Variants in ARHGAP4 observed in about 807,000 individuals in gnomAD.
ARHGAP4 encodes Rho GTPase activating protein 4, also known as rho GTPase-activating protein 4.
ARHGAP4 carries 25 observed loss-of-function variants against 67.6 expected under a neutral mutation model. The ratio of observed to expected loss-of-function variants is 0.37; its 90% confidence interval spans 0.27 to 0.52. ARHGAP4 has a LOEUF of 0.52. Among genes scored for constraint, ARHGAP4 ranks in the 20% least tolerant of loss-of-function variants. The pLI is 0.92. For missense variants in ARHGAP4, 804 were observed against 854.6 expected (o/e 0.94, Z 0.74); for synonymous variants, 448 against 373.7 (o/e 1.20, Z -2.29).
At position 153,913,848 on chromosome X, in the gene ARHGAP4, C is replaced by T. The variant is rs2065037969; in HGVS notation, c.1064G>A (p.Arg355Gln). ...CTGGGCTCTGGGCAGAATCTCGTCC[C>T]GCAGCTCCATTTCAACGCAGATCTC... is the stretch of plus-strand genomic sequence containing the variant. The part of the protein sequence containing the change: ...VAEICVEMEL[R>Q]DEILPRAQNI... Residue 355 changes from arginine (R) to glutamine (Q), a missense_variant, in exon 8 of 22, where the codon CGG (arginine) becomes CAG (glutamine). Physicochemically the swap from Arg to Gln is conservative, Grantham distance 43. Coordinates refer to ENST00000350060, the MANE Select transcript of ARHGAP4 (RefSeq NM_001666.5). The T allele has an allele frequency of 9.1e-6, 11 of 1,212,114 alleles. No individual in the cohort carries two copies. The highest frequency in any genetic ancestry group is 3.5e-5 in the South Asian group (2 of 56,992).
At position 153,909,474 on chromosome X, in the gene ARHGAP4, C is replaced by T. The variant is rs2064999465; in HGVS notation, c.2476G>A (p.Glu826Lys). ...QTAGESGSSPEGLLASELVHR... is the reference protein window; with the variant it reads ...QTAGESGSSPKGLLASELVHR... ...ACCAGCTCCGATGCCAGGAGGCCCT[C>T]GGGACTGCTCCCAGACTCCCCTGCA... The change falls in exon 20 of 22, where the codon GAG becomes AAG. Residue 826 changes from glutamate (E) to lysine (K), a missense_variant. This residue lies in a region of ARHGAP4 where 400 missense variants were observed against 348.7 expected (regional missense o/e 1.15). Coordinates refer to ENST00000350060, the MANE Select transcript of ARHGAP4 (RefSeq NM_001666.5). 14 of 1,208,464 alleles carry T rather than the reference C, an allele frequency of 1.2e-5. No individual in the cohort carries two copies. Among genetic ancestry groups the T allele is most frequent in the East Asian group, 3.0e-5 (1 of 33,800 alleles).
rs200936669 is a variant in ARHGAP4 at position 153,910,547 on chromosome X, C to T, written c.1881G>A (p.Pro627=). The T allele has an allele frequency of 2.4e-3, 2,947 of 1,203,617 alleles. 52 individuals are homozygous for T. In the African/African-American group the frequency reaches 0.044, roughly 18 times the overall value. ...VSRLLWRLPA[P]VLVVLRYLFT... The stretch of plus-strand genomic sequence containing the variant: ...AGAGGTAGCGCAGAACCACCAGCAC[C>T]GGCGCGGGCAGCCGCCACAGCAGGC... Residue 627 remains proline, a synonymous_variant, in exon 16 of 22, where the codon CCG becomes CCA. Transcript: ENST00000350060.
intron 21 of ARHGAP4, among the ~76,000 whole-genome samples, chrX:153,908,543 A>G (rs1024592418): frequency 1.8e-5 from 2 of 111,854 alleles, no homozygotes; most frequent in Non-Finnish European, 3.8e-5. Flanking sequence ...TGCGCTTGCC[A>G]GGGCCACATC....
chrX:153,918,530 C>T (rs1417385400), intron 7 of ARHGAP4, among the ~76,000 whole-genome samples: 3 of 113,051 alleles, frequency 2.7e-5, no homozygotes, highest in African/African-American at 9.6e-5. Flanking sequence ...TTCCATCTTA[C>T]TGCCAAGTTT....
rs782632379 is a variant in ARHGAP4, at chrX:153,912,549, T to C, written c.1542+151A>G. 825 of 491,442 alleles carry C rather than the reference T, an allele frequency of 1.7e-3. 2 individuals carry two copies. The highest frequency in any genetic ancestry group is 2.3e-3 in the Non-Finnish European group (661 of 287,305). The allele number at this position is 491,442 out of a possible 1,213,427, so 40.5% of individuals were successfully genotyped here. A position where few individuals can be genotyped will look rare whatever the true frequency, so the allele number is the denominator to read the frequency against. ...GCTATAGGGGAGCCCAACAGTGGCC[T>C]GGAAGAGGCCCACCCAGAAAAGGAC... On this transcript the variant is annotated intron_variant, in intron 12 of 21. Coordinates refer to ENST00000350060, the MANE Select transcript of ARHGAP4 (RefSeq NM_001666.5).
intron 12 of ARHGAP4, 63 bp from the exon 13 acceptor site, chrX:153,911,252 C>CTTTTTTTTTTTTTTT (rs10710691): frequency 3.8e-6 from 1 of 263,717 alleles, no homozygotes; most frequent in Non-Finnish European, 5.5e-6. Flanking sequence ...CATTCAATTG[C>CTTTTTTTTTTTTTTT]TTTTTTTTTT....
At chrX:153,923,841 G>A (rs1363876579) in intron 1 of ARHGAP4, among the ~76,000 whole-genome samples, 1 of 111,996 alleles carries the variant, frequency 8.9e-6, no homozygotes, top group Non-Finnish European at 1.9e-5. Context: ...ACAGTGGTGC[G>A]ATCTCGGCTC....
chrX:153,918,987 G>A lies in ARHGAP4; in HGVS notation c.877C>T (p.Arg293Cys), dbSNP rs782133343. 6.6e-6 allele frequency: 8 copies of A among 1,211,894 alleles called. No homozygotes were observed. In the South Asian group the frequency reaches 7.0e-5, roughly 11 times the overall value. Residue 293 changes from arginine (R) to cysteine (C), a missense_variant, in exon 7 of 22, where the codon CGC becomes TGC. This residue lies in a region of ARHGAP4 where 404 missense variants were observed against 505.9 expected (regional missense o/e 0.80). Coordinates refer to ENST00000350060, the MANE Select transcript of ARHGAP4 (RefSeq NM_001666.5). ...VLRSYTAAES[R>C]TQASQVQGLG... The stretch of plus-strand genomic sequence containing the variant: ...CCCTGCACTTGGGAGGCTTGGGTGC[G>A]GCTCTCAGCGGCCGTGTAGCTCCGG...
Position 153,920,727 on chromosome X carries a change from TCTC to T in ARHGAP4, c.577_579del (p.Glu193del). 2 of 1,211,634 alleles carry T rather than the reference TCTC, an allele frequency of 1.7e-6. No individual in the cohort carries two copies. Among genetic ancestry groups the T allele is most frequent in the Non-Finnish European group, 2.2e-6 (2 of 895,557 alleles). On this transcript the variant is annotated inframe_deletion, in exon 5 of 22. Coordinates refer to ENST00000350060, the MANE Select transcript of ARHGAP4 (RefSeq NM_001666.5). ...GTGGGGACACTCCGGCCTGCCCGCT[TCTC>T]CTCCTGCCGCTCGGCCTCCCGGAGC...
intron 7 of ARHGAP4, among the ~76,000 whole-genome samples, chrX:153,916,800 G>A (rs1478362867): frequency 3.5e-5 from 4 of 113,166 alleles, no homozygotes; most frequent in Non-Finnish European, 7.5e-5. Flanking sequence ...ATTTCAGGCC[G>A]GGCATGGTGG....
intron 1 of ARHGAP4, 82 bp from the exon 2 acceptor site, chrX:153,921,891 G>A (rs1343369596): frequency 1.9e-6 from 2 of 1,058,339 alleles, no homozygotes; most frequent in African/African-American, 1.8e-5. Flanking sequence ...GAGAGGCAGA[G>A]GCACACAGAC....
At chrX:153,909,983 G>A in intron 18 of ARHGAP4, 29 bp downstream of exon 18, 2 of 1,210,435 alleles carry the variant, frequency 1.7e-6, no homozygotes, top group Non-Finnish European at 2.2e-6. Flanking sequence ...GGTGGGGACA[G>A]GGTGGGGCTC....
chrX:153,909,688 G>T, intron 19 of ARHGAP4, 53 bp downstream of exon 19: 1 of 1,130,896 alleles, frequency 8.8e-7, no homozygotes, highest in South Asian at 2.1e-5. Context: ...GGGGAGGGGT[G>T]GATGAAGGGG....
chrX:153,922,148 C>T, intron 1 of ARHGAP4: 1 of 929,813 alleles, frequency 1.1e-6, no homozygotes, highest in Non-Finnish European at 1.3e-6. Context: ...TCCTGTCTCT[C>T]CCTCGTTCCT....
chrX:153,925,719 G>A (rs1403012111), intron 1 of ARHGAP4, among the ~76,000 whole-genome samples: 2 of 111,863 alleles, frequency 1.8e-5, no homozygotes, highest in Admixed American at 9.5e-5. Context: ...GTTACGGCCA[G>A]GTGATCTCCA....
intron 12 of ARHGAP4, 95 bp from the exon 13 acceptor site, chrX:153,911,284 G>A (rs2065019429): frequency 5.3e-6 from 4 of 756,187 alleles, no homozygotes; most frequent in Non-Finnish European, 5.4e-6. Flanking sequence ...TTGAGACAAG[G>A]TCTCACTCTG....
chrX:153,909,280 G>C (rs2148517602), intron 20 of ARHGAP4, 111 bp from the exon 21 acceptor site: 1 of 881,122 alleles, frequency 1.1e-6, no homozygotes, highest in Non-Finnish European at 1.6e-6. Context: ...TGGCCCAGTG[G>C]TCCCCAAGCT....
At chrX:153,917,329 G>C (rs782483446) in intron 7 of ARHGAP4, among the ~76,000 whole-genome samples, 6 of 112,381 alleles carry the variant, frequency 5.3e-5, no homozygotes, top group Non-Finnish European at 7.5e-5. Flanking sequence ...AGAATCACTT[G>C]AACCCAGGAG....
At chrX:153,911,600 A>G (rs1256412933) in intron 12 of ARHGAP4, among the ~76,000 whole-genome samples, 1 of 112,130 alleles carries the variant, frequency 8.9e-6, no homozygotes, top group Admixed American at 9.4e-5. Flanking sequence ...CTGTACACCA[A>G]TCTTGAATCA....
Sources: allele counts gnomAD v4.1 joint callset (sites outside exome capture counted in the v4.1 genomes callset), GRCh38; gene constraint gnomAD v4.1.1; regional missense constraint gnomAD v4.1.1; transcripts MANE v1.5; gene names NCBI Gene and HGNC (gene_info 2026-07-23, HGNC 2026-07-21).